The following MTSS1 variants were observed in gnomAD, a reference collection of about 807,000 sequenced individuals.
MTSS1 encodes protein MTSS 1.
A neutral mutation model predicts 79.0 loss-of-function variants in MTSS1; 18 were observed. The observed-to-expected ratio is 0.23, with a 90% CI of 0.16 to 0.34. MTSS1 has a LOEUF of 0.34. Among genes scored for constraint, MTSS1 ranks in the 10% least tolerant of loss-of-function variants. MTSS1 has a pLI of 1.00. For missense variants in MTSS1, 815 were observed against 986.2 expected (o/e 0.83, Z 2.33); for synonymous variants, 341 against 368.6 (o/e 0.93, Z 0.86).
chr8:124,710,460 C>T (rs1268259390), intron 1 of MTSS1, among the ~76,000 whole-genome samples: 2 of 152,026 alleles, frequency 1.3e-5, no homozygotes, highest in Non-Finnish European at 2.9e-5. Context: ...TCCCCCACCC[C>T]ACCCTCAAAG....
At chr8:124,624,616 G>C (rs1814285163) in intron 3 of MTSS1, among the ~76,000 whole-genome samples, 1 of 152,144 alleles carries the variant, frequency 6.6e-6, no homozygotes, top group African/African-American at 2.4e-5. Context: ...CAAATAATAG[G>C]GAAATCAGGA....
intron 3 of MTSS1, among the ~76,000 whole-genome samples, chr8:124,659,495 C>T (rs1265520335): frequency 2.0e-5 from 3 of 152,106 alleles, no homozygotes; most frequent in Admixed American, 6.5e-5. Context: ...TAGTCTAATT[C>T]CAGAAAAGCT....
intron 3 of MTSS1, among the ~76,000 whole-genome samples, chr8:124,692,200 T>C (rs1828048407): frequency 6.6e-6 from 1 of 151,926 alleles, no homozygotes; most frequent in African/African-American, 2.4e-5. Flanking sequence ...GCTAATTTTT[T>C]TGTATTTTTA....
intron 3 of MTSS1, among the ~76,000 whole-genome samples, chr8:124,684,886 CTCATTCCATTCAT>C (rs1826703689): frequency 6.6e-6 from 1 of 152,172 alleles, no homozygotes; most frequent in African/African-American, 2.4e-5. Flanking sequence ...CAAGTAGAAA[CTCATTCCATTCAT>C]TCAAAGAAGA....
intron 3 of MTSS1, among the ~76,000 whole-genome samples, chr8:124,637,072 A>G (rs1367026782): frequency 6.6e-6 from 1 of 152,134 alleles, no homozygotes; most frequent in Non-Finnish European, 1.5e-5. Context: ...TAGCATGATC[A>G]CCCAGGGAGT....
At chr8:124,713,286 T>C (rs1831435657) in intron 1 of MTSS1, among the ~76,000 whole-genome samples, 1 of 152,200 alleles carries the variant, frequency 6.6e-6, no homozygotes. Context: ...TTCACTATCT[T>C]AGGGTGCTCT....
chr8:124,666,945 C>T (rs147579823), intron 3 of MTSS1, among the ~76,000 whole-genome samples: 1 of 152,018 alleles, frequency 6.6e-6, no homozygotes, highest in Admixed American at 6.5e-5. Flanking sequence ...AAGAAGCCAG[C>T]GGGAATAAGG....
intron 1 of MTSS1, among the ~76,000 whole-genome samples, chr8:124,726,218 C>A (rs911222624): frequency 6.6e-5 from 10 of 152,232 alleles, no homozygotes; most frequent in Admixed American, 1.3e-4. Context: ...AGGTGGAAAG[C>A]AGGACAGCCC....
chr8:124,578,424 C>G (rs7003891), intron 6 of MTSS1, among the ~76,000 whole-genome samples: 4,378 of 152,162 alleles, frequency 0.029, 229 homozygotes, highest in African/African-American at 0.099. Flanking sequence ...CATGCTCCTC[C>G]TCATTATCAC....
chr8:124,667,185 T>C (rs890412124), intron 3 of MTSS1, among the ~76,000 whole-genome samples: 2 of 152,082 alleles, frequency 1.3e-5, no homozygotes, highest in Non-Finnish European at 2.9e-5. Context: ...GGAGGCGCTC[T>C]CCCCAGAGGA....
At chr8:124,556,147 C>T (rs1823693170) in intron 12 of MTSS1, 85 bp downstream of exon 12, 1 of 1,595,374 alleles carries the variant, frequency 6.3e-7, no homozygotes, top group Non-Finnish European at 8.5e-7. Context: ...TGCAAGGCTG[C>T]CTTGGCCCCC....
intron 3 of MTSS1, among the ~76,000 whole-genome samples, chr8:124,660,843 C>T (rs1178554445): frequency 6.6e-6 from 1 of 152,208 alleles, no homozygotes; most frequent in Non-Finnish European, 1.5e-5. Context: ...CTCCTCTATA[C>T]TAAGCAGCCT....
chr8:124,632,512 A>C (rs1410309055), intron 3 of MTSS1, among the ~76,000 whole-genome samples: 2 of 152,108 alleles, frequency 1.3e-5, no homozygotes, highest in Non-Finnish European at 2.9e-5. Context: ...AAATTCAAAA[A>C]AAAATTTAAA....
intron 5 of MTSS1, among the ~76,000 whole-genome samples, chr8:124,587,125 G>A (rs1350052245): frequency 1.3e-5 from 2 of 152,206 alleles, no homozygotes; most frequent in African/African-American, 4.8e-5. Context: ...GACAGAGGGT[G>A]AGGAGAGACC....
At position 124,557,892 on chromosome 8, in the gene MTSS1, A is replaced by G; in HGVS notation, c.1036-17T>C. On this transcript the variant is annotated splice_polypyrimidine_tract_variant and intron_variant, in intron 10 of 13. Transcript: ENST00000518547. ...GTTAGACAACTGGAAACAAACAAAA[A>G]AAGGGGGGGGGAAGGAAAAAAAATT... The G allele has an allele frequency of 6.6e-7, 1 of 1,524,184 alleles. No homozygotes were observed. Among genetic ancestry groups the G allele is most frequent in the Non-Finnish European group, 8.9e-7 (1 of 1,123,506 alleles). The allele number at this position is 1,524,184 out of a possible 1,614,324, so 94.4% of individuals were successfully genotyped here.
chr8:124,690,337 G>T (rs1046638048), intron 3 of MTSS1, among the ~76,000 whole-genome samples: 1 of 152,226 alleles, frequency 6.6e-6, no homozygotes, highest in Admixed American at 6.5e-5. Context: ...TTAGGGGTAA[G>T]ACAATCCTGA....
At chr8:124,670,411 TGGC>T (rs1823921741) in intron 3 of MTSS1, among the ~76,000 whole-genome samples, 2 of 150,922 alleles carry the variant, frequency 1.3e-5, no homozygotes, top group African/African-American at 2.4e-5. Context: ...CCACACAGCC[TGGC>T]GGCACCCCAC....
intron 3 of MTSS1, among the ~76,000 whole-genome samples, chr8:124,667,421 G>A (rs1823305571): frequency 6.6e-6 from 1 of 152,018 alleles, no homozygotes; most frequent in African/African-American, 2.4e-5. Flanking sequence ...GAGGCGGGTG[G>A]ATCACCTGAG....
At chr8:124,621,797 C>T (rs1813567760) in intron 3 of MTSS1, among the ~76,000 whole-genome samples, 1 of 152,190 alleles carries the variant, frequency 6.6e-6, no homozygotes, top group African/African-American at 2.4e-5. Context: ...GATCTGCCCA[C>T]CTCAGCCTCC....
Sources: allele counts gnomAD v4.1 joint callset (sites outside exome capture counted in the v4.1 genomes callset), GRCh38; gene constraint gnomAD v4.1.1; transcripts MANE v1.5; gene names NCBI Gene and HGNC (gene_info 2026-07-23, HGNC 2026-07-21).